Variants in MAP3K9 observed in about 807,000 individuals in gnomAD.
MAP3K9 encodes mitogen-activated protein kinase kinase kinase 9.
In MAP3K9, 46 loss-of-function variants were observed where a neutral mutation model predicts 95.8. The observed-to-expected ratio is 0.48, with a 90% CI of 0.38 to 0.61. The LOEUF (loss-of-function observed/expected upper bound fraction) is 0.61, where lower values mean the gene tolerates loss of function less well. Ranked by LOEUF, MAP3K9 falls within the 20% of genes least tolerant of loss-of-function variation. MAP3K9 has a pLI of 0.00. For missense variants in MAP3K9, 1,296 were observed against 1,474.3 expected (o/e 0.88, Z 1.98); for synonymous variants, 533 against 593.8 (o/e 0.90, Z 1.49).
intron 2 of MAP3K9, among the ~76,000 whole-genome samples, chr14:70,793,587 C>T (rs1013812505): frequency 1.3e-5 from 2 of 152,006 alleles, no homozygotes; most frequent in African/African-American, 4.8e-5. Flanking sequence ...TGAATGACAC[C>T]CATGGGTAAG....
At chr14:70,750,629 C>CATGCA (rs2054212626) in intron 3 of MAP3K9, among the ~76,000 whole-genome samples, 1 of 152,112 alleles carries the variant, frequency 6.6e-6, no homozygotes, top group African/African-American at 2.4e-5. Context: ...GGATTACAGG[C>CATGCA]ATGCACCACC....
chr14:70,799,042 C>T (rs185329148), intron 2 of MAP3K9, among the ~76,000 whole-genome samples: 27 of 152,302 alleles, frequency 1.8e-4, no homozygotes, highest in Non-Finnish European at 2.9e-5. Flanking sequence ...AAACCAGATA[C>T]GCTTTAAAAA....
intron 2 of MAP3K9, among the ~76,000 whole-genome samples, chr14:70,778,439 C>A (rs1555371326): frequency 6.6e-6 from 1 of 152,120 alleles, no homozygotes; most frequent in Non-Finnish European, 1.5e-5. Flanking sequence ...CCACACCTGG[C>A]TAATTTTTGT....
At chr14:70,793,426 C>G (rs1046598247) in intron 2 of MAP3K9, among the ~76,000 whole-genome samples, 1 of 152,126 alleles carries the variant, frequency 6.6e-6, no homozygotes, top group Non-Finnish European at 1.5e-5. Flanking sequence ...GTGGCTCACG[C>G]CTGTAATTCC....
At position 70,725,171 on chromosome 14, in the gene MAP3K9, T is replaced by G. The variant is rs1211803597; in HGVS notation, c.*5209A>C. ...CCCAAAGCAGGCTCCCCGTAGGGGA[T>G]GGGGAACCACAGACAGTAAGAATCA... is the stretch of plus-strand genomic sequence containing the variant. On this transcript the variant is annotated 3_prime_UTR_variant, in exon 12 of 12. Transcript: ENST00000554752. 1.3e-5 allele frequency: 2 copies of G among 152,300 alleles called. No individual in the cohort carries two copies. The highest frequency in any genetic ancestry group is 4.8e-5 in the African/African-American group (2 of 41,448). The allele number at this position is 152,300 out of a possible 1,614,324, so 9.4% of individuals were successfully genotyped here. A position where few individuals can be genotyped will look rare whatever the true frequency, so the allele number is the denominator to read the frequency against.
intron 2 of MAP3K9, among the ~76,000 whole-genome samples, chr14:70,789,284 G>T (rs2054781609): frequency 6.6e-6 from 1 of 152,166 alleles, no homozygotes; most frequent in Non-Finnish European, 1.5e-5. Flanking sequence ...GCCTGTTTCG[G>T]TGGGAATAGT....
intron 3 of MAP3K9, among the ~76,000 whole-genome samples, chr14:70,750,852 C>G (rs904099297): frequency 6.6e-6 from 1 of 152,112 alleles, no homozygotes; most frequent in Non-Finnish European, 1.5e-5. Context: ...AATTTTTTTT[C>G]TGTTTTAAGA....
intron 2 of MAP3K9, among the ~76,000 whole-genome samples, chr14:70,762,171 C>T (rs2054384908): frequency 6.6e-6 from 1 of 152,124 alleles, no homozygotes; most frequent in Non-Finnish European, 1.5e-5. Context: ...GGGTTGTTTC[C>T]ACTTTCTGGC....
rs1401740868 is a variant in MAP3K9 at position 70,735,989 on chromosome 14, G to C, written c.1885C>G (p.Pro629Ala). ...RREKANGLST[P>A]SESPHFHLGL... ...AAGTGGAAATGTGGAGATTCTGATG[G>C]GGTACTTAAACCATTAGCTTTCTCA... The change falls in exon 9 of 12, where the codon CCA (proline) becomes GCA (alanine). Residue 629 changes from proline to alanine, a missense_variant. By Grantham distance (27) the Pro-to-Ala change is conservative. Coordinates refer to ENST00000554752, the MANE Select transcript of MAP3K9 (RefSeq NM_001284230.2). 3.7e-6 allele frequency: 6 copies of C among 1,613,574 alleles called. No individual in the cohort carries two copies. In the South Asian group the frequency reaches 5.5e-5, roughly 15 times the overall value.
chr14:70,782,404 C>A (rs1019336799), intron 2 of MAP3K9, among the ~76,000 whole-genome samples: 3 of 152,082 alleles, frequency 2.0e-5, no homozygotes, highest in Non-Finnish European at 4.4e-5. Flanking sequence ...TGCACTTCAC[C>A]CCAGGCATTG....
chr14:70,726,714 C>T lies in MAP3K9; in HGVS notation c.*3666G>A, dbSNP rs1213220522. Reference sequence around the variant, plus strand: ...CTCCAAATCACTCCTCTTCCAGAAGCCAAAGGACGAAAGAAAAGGCAAGTT... The same window carrying T: ...CTCCAAATCACTCCTCTTCCAGAAGTCAAAGGACGAAAGAAAAGGCAAGTT... On this transcript the variant is annotated 3_prime_UTR_variant, in exon 12 of 12. Transcript: ENST00000554752. The T allele has an allele frequency of 6.6e-6, 1 of 152,348 alleles. No individual in the cohort carries two copies. The highest frequency in any genetic ancestry group is 2.4e-5 in the African/African-American group (1 of 41,460). The allele number at this position is 152,348 out of a possible 1,614,324, so 9.4% of individuals were successfully genotyped here. A position where few individuals can be genotyped will look rare whatever the true frequency, so the allele number is the denominator to read the frequency against.
Position 70,809,121 on chromosome 14 carries a change from G to A in MAP3K9, c.51C>T (p.Ala17=), listed in dbSNP as rs1025553829. The A allele has an allele frequency of 2.9e-6, 4 of 1,381,222 alleles. No homozygotes were observed. The highest frequency in any genetic ancestry group is 2.8e-6 in the Non-Finnish European group (3 of 1,076,486). 85.6% of individuals were successfully genotyped at this position (1,381,222 alleles called of 1,614,324 possible). Residue 17 remains alanine (A), a synonymous_variant, in exon 1 of 12, where the codon GCC becomes GCT. Coordinates refer to ENST00000554752, the MANE Select transcript of MAP3K9 (RefSeq NM_001284230.2). The part of the protein sequence containing the change: ...LLGCLASAAA[A]APPGEDGAGA... The stretch of plus-strand genomic sequence containing the variant: ...CTGCTCCATCCTCCCCCGGCGGGGC[G>A]GCAGCGGCGGCGCTCGCTAGGCAGC...
rs751006871 is a variant in MAP3K9, at chr14:70,748,794, G to A, written c.1326+35C>T. The A allele has an allele frequency of 5.1e-5, 79 of 1,561,400 alleles. No homozygotes were observed. The East Asian group carries it at 1.4e-3, about 28-fold the overall frequency. ...TTCAATGCATGCCTTTTTTCTTTTC[G>A]TTCGTTTTTTTGTTGTTTTTTTTGT... On this transcript the variant is annotated intron_variant, in intron 5 of 11. Coordinates refer to ENST00000554752, the MANE Select transcript of MAP3K9 (RefSeq NM_001284230.2).
chr14:70,743,627 A>T (rs1173173053), intron 5 of MAP3K9, among the ~76,000 whole-genome samples: 3 of 152,230 alleles, frequency 2.0e-5, no homozygotes, highest in African/African-American at 7.2e-5. Context: ...ACTGGTCACT[A>T]CAGAATTGCA....
At chr14:70,785,204 C>T (rs2054731594) in intron 2 of MAP3K9, among the ~76,000 whole-genome samples, 1 of 152,196 alleles carries the variant, frequency 6.6e-6, no homozygotes, top group Non-Finnish European at 1.5e-5. Flanking sequence ...GATACTACCA[C>T]CTCTTCCTGG....
intron 1 of MAP3K9, among the ~76,000 whole-genome samples, chr14:70,803,220 C>T (rs185071187): frequency 2.0e-5 from 3 of 151,830 alleles, no homozygotes; most frequent in African/African-American, 4.8e-5. Flanking sequence ...GCTGCAGAAC[C>T]GTGAGCCAGT....
In MAP3K9 at chr14:70,733,162, G is replaced by C; in HGVS notation, c.2207C>G (p.Thr736Ser). ...GGCACCGCCCCGCTTGAGGCTGTTGGTTGGCGTCAGCTGAGGGGTACTCGT... is the reference window on the plus strand; with the variant it reads ...GGCACCGCCCCGCTTGAGGCTGTTGCTTGGCGTCAGCTGAGGGGTACTCGT... ...SATSTPQLTP[T>S]NSLKRGGAHH... The change falls in exon 11 of 12, where the codon ACC becomes AGC. Residue 736 changes from threonine to serine, a missense_variant. This residue lies in a region of MAP3K9 where 377 missense variants were observed against 417.1 expected (regional missense o/e 0.90). Coordinates refer to ENST00000554752, the MANE Select transcript of MAP3K9 (RefSeq NM_001284230.2). 1.9e-6 allele frequency: 3 copies of C among 1,612,140 alleles called. No homozygotes were observed. Among genetic ancestry groups the C allele is most frequent in the Non-Finnish European group, 2.5e-6 (3 of 1,178,602 alleles).
intron 2 of MAP3K9, among the ~76,000 whole-genome samples, chr14:70,774,894 G>T (rs2054575469): frequency 7.3e-6 from 1 of 136,646 alleles, no homozygotes; most frequent in Non-Finnish European, 1.5e-5. Flanking sequence ...CTGGGGAAGA[G>T]AATCACTTGA....
intron 2 of MAP3K9, among the ~76,000 whole-genome samples, chr14:70,770,053 C>T (rs1452746943): frequency 6.6e-6 from 1 of 152,146 alleles, no homozygotes; most frequent in Non-Finnish European, 1.5e-5. Flanking sequence ...TTTACAAGAG[C>T]CCTTCCTGGG....
Sources: gnomAD v4.1 joint callset for allele counts (sites outside exome capture counted in the v4.1 genomes callset) on GRCh38, gnomAD v4.1.1 for gene constraint, gnomAD v4.1.1 regional missense constraint, MANE v1.5 for transcripts, NCBI Gene and HGNC (gene_info 2026-07-23, HGNC 2026-07-21) for gene names.